Variants in HDAC4 observed in about 807,000 individuals in gnomAD.
The protein encoded by HDAC4 is histone deacetylase A.
A neutral mutation model predicts 135.1 loss-of-function variants in HDAC4; 16 were observed. The observed-to-expected ratio is 0.12, with a 90% CI of 0.08 to 0.18. The LOEUF is 0.18. Ranked by LOEUF, HDAC4 falls within the 10% of genes least tolerant of loss-of-function variation. HDAC4 has a pLI of 1.00. For missense variants in HDAC4, 1,143 were observed against 1,511.8 expected (o/e 0.76, Z 4.05); for synonymous variants, 685 against 653.4 (o/e 1.05, Z -0.74).
At position 239,382,324 on chromosome 2, in the gene HDAC4, G is replaced by A. The variant is rs956139490; in HGVS notation, c.-220+18654C>T. Among the ~76,000 whole-genome samples, 15 of 152,270 alleles carry A rather than the reference G, an allele frequency of 9.9e-5. No individual in the cohort carries two copies. In the East Asian group the frequency reaches 1.9e-3, roughly 20 times the overall value. ...ATTATCAAAGCAATCATAAAACGTC[G>A]CTTCTGCCACATATGCAAATTAAAT... On this transcript the variant is annotated intron_variant, in intron 1 of 26. Coordinates refer to ENST00000543185, the MANE Select transcript of HDAC4 (RefSeq NM_001378414.1).
intron 2 of HDAC4, among the ~76,000 whole-genome samples, chr2:239,255,271 AC>A (rs2048988549): frequency 6.6e-6 from 1 of 150,866 alleles, no homozygotes; most frequent in Non-Finnish European, 1.5e-5. Flanking sequence ...AGATACCGAG[AC>A]TATGTGTAAT....
At chr2:239,063,735 C>T (rs1387737638) in intron 24 of HDAC4, among the ~76,000 whole-genome samples, 1 of 152,218 alleles carries the variant, frequency 6.6e-6, no homozygotes, top group Non-Finnish European at 1.5e-5. Context: ...GGTGCCTGCA[C>T]TTCTGGGCTC....
At position 239,126,686 on chromosome 2, in the gene HDAC4, G is replaced by T. The variant is rs2040213483; in HGVS notation, c.1303C>A (p.Leu435Ile). Residue 435 changes from leucine (L) to isoleucine (I), a missense_variant, in exon 12 of 27, where the codon CTT (leucine) becomes ATT (isoleucine). Transcript: ENST00000543185. The part of the protein sequence containing the change: ...AQAPLVTDWY[L>I]SGLGALPLHA... ...AGGGGCAGTGCTCCCAGGCCTGAAA[G>T]ATACCAGTCTGAAGATAATTGGAGG... 1 of 1,613,772 alleles carries T rather than the reference G, an allele frequency of 6.2e-7. No individual in the cohort carries two copies. The highest frequency in any genetic ancestry group is 8.5e-7 in the Non-Finnish European group (1 of 1,179,948).
At chr2:239,365,718 A>G (rs960414883) in intron 1 of HDAC4, among the ~76,000 whole-genome samples, 3 of 152,020 alleles carry the variant, frequency 2.0e-5, no homozygotes, top group Non-Finnish European at 2.9e-5. Context: ...ACAGACATGC[A>G]TGCACAGACC....
At chr2:239,195,068 C>T (rs564323520) in intron 3 of HDAC4, among the ~76,000 whole-genome samples, 1 of 152,362 alleles carries the variant, frequency 6.6e-6, no homozygotes, top group South Asian at 2.1e-4. Flanking sequence ...TGGCACAGTG[C>T]AGCCAGAGGG....
At chr2:239,090,958 G>GT (rs2036453289) in intron 17 of HDAC4, among the ~76,000 whole-genome samples, 1 of 152,232 alleles carries the variant, frequency 6.6e-6, no homozygotes, top group Non-Finnish European at 1.5e-5. Flanking sequence ...GTTGACCAGC[G>GT]TAGCTAAGCG....
chr2:239,172,800 C>T (rs2043536709), intron 5 of HDAC4, among the ~76,000 whole-genome samples: 1 of 151,904 alleles, frequency 6.6e-6, no homozygotes, highest in Non-Finnish European at 1.5e-5. Flanking sequence ...GCACAAACAA[C>T]CAATATCTGG....
rs2030418468 is a variant in HDAC4, at chr2:239,049,024, A to C, written c.*4073T>G. The C allele has an allele frequency of 6.6e-6, 1 of 152,234 alleles. No individual in the cohort carries two copies. Among genetic ancestry groups the C allele is most frequent in the East Asian group, 1.9e-4 (1 of 5,200 alleles). 9.4% of individuals were successfully genotyped at this position (152,234 alleles called of 1,614,324 possible). A position where few individuals can be genotyped will look rare whatever the true frequency, so the allele number is the denominator to read the frequency against. On this transcript the variant is annotated 3_prime_UTR_variant, in exon 27 of 27. Coordinates refer to ENST00000543185, the MANE Select transcript of HDAC4 (RefSeq NM_001378414.1). The stretch of plus-strand genomic sequence containing the variant: ...AAAAGGAAACAAACAAAACAAAACA[A>C]AACAAAATTCCTCCAAATCAACTCG...
chr2:239,276,290 G>A (rs962812173), intron 2 of HDAC4, among the ~76,000 whole-genome samples: 16 of 152,220 alleles, frequency 1.1e-4, no homozygotes, highest in Non-Finnish European at 1.6e-4. Flanking sequence ...GAAGTGTTGA[G>A]GGGAGAAGGC....
At chr2:239,235,991 G>C (rs2047865404) in intron 3 of HDAC4, among the ~76,000 whole-genome samples, 1 of 152,198 alleles carries the variant, frequency 6.6e-6, no homozygotes, top group Non-Finnish European at 1.5e-5. Context: ...AGTGAGCCAA[G>C]ATTACGCCAC....
Position 239,308,888 on chromosome 2 carries a change from C to A in HDAC4, c.22+43790G>T, listed in dbSNP as rs2052739198. ...GGGTTCCCCTTCCTCTACACCCAAG[C>A]CCTCGGAAGCACGCTGCAGGCCCCT... is the stretch of plus-strand genomic sequence containing the variant. On this transcript the variant is annotated intron_variant, in intron 2 of 26. Coordinates refer to ENST00000543185, the MANE Select transcript of HDAC4 (RefSeq NM_001378414.1). This position sits in a 1 kb window ranked among gnomAD's most constrained non-coding sequence, Gnocchi z 4.2. Among the ~76,000 whole-genome samples, 2 of 152,196 alleles carry A rather than the reference C, an allele frequency of 1.3e-5. No individual in the cohort carries two copies. Among genetic ancestry groups the A allele is most frequent in the Non-Finnish European group, 2.9e-5 (2 of 68,038 alleles).
chr2:239,280,824 T>TCCAC (rs2050669587), intron 2 of HDAC4, among the ~76,000 whole-genome samples: 1 of 148,424 alleles, frequency 6.7e-6, no homozygotes, highest in Admixed American at 6.7e-5. Flanking sequence ...CACACCACTC[T>TCCAC]ACAATGTACA....
At chr2:239,389,896 G>A (rs1404697219) in intron 1 of HDAC4, among the ~76,000 whole-genome samples, 1 of 152,230 alleles carries the variant, frequency 6.6e-6, no homozygotes, top group Non-Finnish European at 1.5e-5. Context: ...ACAGTGACTG[G>A]TTCAGAGTTC....
chr2:239,219,734 T>A (rs1194881269), intron 3 of HDAC4, among the ~76,000 whole-genome samples: 2 of 152,138 alleles, frequency 1.3e-5, no homozygotes, highest in Non-Finnish European at 2.9e-5. Context: ...AAATGTGCAA[T>A]CGAGATATCG....
chr2:239,300,208 T>C (rs932302023), intron 2 of HDAC4, among the ~76,000 whole-genome samples: 1 of 152,198 alleles, frequency 6.6e-6, no homozygotes, highest in African/African-American at 2.4e-5. Flanking sequence ...CCCCTCTTTT[T>C]ACCCCAACTG....
At chr2:239,339,894 AC>A (rs766458714) in intron 2 of HDAC4, among the ~76,000 whole-genome samples, 1 of 152,152 alleles carries the variant, frequency 6.6e-6, no homozygotes, top group East Asian at 1.9e-4. Context: ...GCAGCCAAGA[AC>A]CAAGAAAGCC....
At chr2:239,386,385 G>T (rs868168497) in intron 1 of HDAC4, among the ~76,000 whole-genome samples, 3 of 152,306 alleles carry the variant, frequency 2.0e-5, no homozygotes, top group Middle Eastern at 3.4e-3. Flanking sequence ...AGAGGCAGAT[G>T]AGTGTGTCCC....
Position 239,125,560 on chromosome 2 carries a change from C to T in HDAC4, c.1533+896G>A, listed in dbSNP as rs141860681. ...TGCTGTGAATGCCTGAGTGAGTTTA[C>T]GTGTAGATGTGTGCTTTCATCTCTG... On this transcript the variant is annotated intron_variant, in intron 12 of 26. Coordinates refer to ENST00000543185, the MANE Select transcript of HDAC4 (RefSeq NM_001378414.1). Among the ~76,000 whole-genome samples the T allele has an allele frequency of 5.3e-3, 809 of 152,290 alleles. 7 individuals carry two copies. The highest frequency in any genetic ancestry group is 5.3e-3 in the Non-Finnish European group (358 of 68,024).
intron 2 of HDAC4, among the ~76,000 whole-genome samples, chr2:239,257,054 T>G (rs548269238): frequency 6.6e-6 from 1 of 152,340 alleles, no homozygotes; most frequent in South Asian, 2.1e-4. Context: ...CAAATAACTC[T>G]GGGTAAATAA....
Sources: gnomAD v4.1 joint callset for allele counts (sites outside exome capture counted in the v4.1 genomes callset) on GRCh38, gnomAD v4.1.1 for gene constraint, Gnocchi (gnomAD v3.1) non-coding constraint, MANE v1.5 for transcripts, NCBI Gene and HGNC (gene_info 2026-07-23, HGNC 2026-07-21) for gene names.